The following WDFY4 variants were observed in gnomAD, a reference collection of about 807,000 sequenced individuals.
WDFY4 encodes the protein WDFY family member 4.
In WDFY4, 169 loss-of-function variants were observed where a neutral mutation model predicts 351.9. The observed-to-expected ratio is 0.48, with a 90% CI of 0.42 to 0.55. WDFY4 has a LOEUF of 0.55. WDFY4 is among the 20% of genes least tolerant of loss of function. The pLI is 0.00. For synonymous variants in WDFY4, 1,622 were observed against 1,574.6 expected, an observed-to-expected ratio of 1.03 and a Z score of -0.71; for missense variants, 3,803 against 3,935.6, an observed-to-expected ratio of 0.97 and a Z score of 0.90.
intron 2 of WDFY4, among the ~76,000 whole-genome samples, chr10:48,714,981 T>C (rs1292024561): frequency 4.6e-5 from 7 of 152,268 alleles, no homozygotes; most frequent in Non-Finnish European, 1.0e-4. Flanking sequence ...TTTCCAAGCA[T>C]AGGCCTCAAG....
Position 48,923,889 on chromosome 10 carries a change from G to A in WDFY4, c.7587-17917G>A, listed in dbSNP as rs189755210. On this transcript the variant is annotated intron_variant, in intron 47 of 61. Coordinates refer to ENST00000325239, the MANE Select transcript of WDFY4 (RefSeq NM_001394531.1). ...GCTTAGAGAGAATCCTGGACAGGAA[G>A]GGGTGCTTCCAGCAAATGGGACATC... 3.3e-5 allele frequency among the ~76,000 whole-genome samples: 5 copies of A among 152,316 alleles called. No homozygotes were observed. The East Asian group carries it at 9.7e-4, about 29-fold the overall frequency.
chr10:48,787,888 CT>C lies in WDFY4; in HGVS notation c.3809-640del, dbSNP rs1565198301. Among the ~76,000 whole-genome samples the C allele has an allele frequency of 3.0e-3, 219 of 73,504 alleles. 12 individuals are homozygous for C. Among genetic ancestry groups the C allele is most frequent in the African/African-American group, 0.02 (205 of 10,276 alleles). 48.2% of individuals were successfully genotyped at this position (73,504 alleles called of 152,430 possible). ...TCTTCTTTCTTCTTTCTTTCTTCTT[CT>C]TCTCCTTCTTCTTCTTCTTCTTCTT... On this transcript the variant is annotated intron_variant, in intron 20 of 61. Coordinates refer to ENST00000325239, the MANE Select transcript of WDFY4 (RefSeq NM_001394531.1).
At chr10:48,788,428 C>A in intron 20 of WDFY4, 102 bp from the exon 21 acceptor site, 1 of 1,353,448 alleles carries the variant, frequency 7.4e-7, no homozygotes, top group South Asian at 1.5e-5. Flanking sequence ...AACATCCTCT[C>A]AATGATTACT....
intron 12 of WDFY4, among the ~76,000 whole-genome samples, chr10:48,756,207 G>A (rs147032478): frequency 1.2e-3 from 177 of 152,092 alleles, no homozygotes; most frequent in African/African-American, 3.6e-3. Context: ...TTTCATCAAA[G>A]TCTGTCATAT....
At chr10:48,882,300 G>T (rs947831085) in intron 43 of WDFY4, among the ~76,000 whole-genome samples, 1 of 152,218 alleles carries the variant, frequency 6.6e-6, no homozygotes, top group African/African-American at 2.4e-5. Flanking sequence ...TTTGTGCCCA[G>T]GAGGGCAGCT....
rs577626974 is a variant in WDFY4 at position 48,685,930 on chromosome 10, G to T, written c.-18+929G>T. On this transcript the variant is annotated intron_variant, in intron 1 of 61. Coordinates refer to ENST00000325239, the MANE Select transcript of WDFY4 (RefSeq NM_001394531.1). ...TAGGGTGGGGGTCTTGGGAGGGTGG[G>T]GATGGCTCTAGTCTTCTGAGAGGGG... Among the ~76,000 whole-genome samples the T allele has an allele frequency of 3.3e-5, 5 of 152,124 alleles. No homozygotes were observed. The South Asian group carries it at 8.3e-4, about 25-fold the overall frequency.
chr10:48,833,008 A>G (rs540263582), intron 39 of WDFY4, among the ~76,000 whole-genome samples: 1 of 152,028 alleles, frequency 6.6e-6, no homozygotes, highest in African/African-American at 2.4e-5. Flanking sequence ...CATTGCCAGG[A>G]GACACAGGGT....
chr10:48,742,566 C>T (rs1320710275), intron 11 of WDFY4, among the ~76,000 whole-genome samples: 1 of 152,166 alleles, frequency 6.6e-6, no homozygotes, highest in South Asian at 2.1e-4. Context: ...GTTTCCATCT[C>T]GTGGAGCTTC....
At position 48,830,875 on chromosome 10, in the gene WDFY4, G is replaced by A. The variant is rs1316198131; in HGVS notation, c.6516G>A (p.Gln2172=). 1 of 1,551,440 alleles carries A rather than the reference G, an allele frequency of 6.4e-7. No homozygotes were observed. The highest frequency in any genetic ancestry group is 1.2e-5 in the South Asian group (1 of 84,036). ...AGGAGACGATGCTCAAGGCCTGGCA[G>A]CATTACTTAGGTCTCTATCCACTCG... is the stretch of plus-strand genomic sequence containing the variant. ...LWEETMLKAW[Q]HYLASEKKSL... The change falls in exon 38 of 62, where the codon CAG becomes CAA. Residue 2172 remains glutamine (Q), a synonymous_variant. Transcript: ENST00000325239.
At chr10:48,877,600 G>A (rs1272634425) in intron 43 of WDFY4, among the ~76,000 whole-genome samples, 1 of 152,204 alleles carries the variant, frequency 6.6e-6, no homozygotes, top group Non-Finnish European at 1.5e-5. Context: ...AGGGGTCTTG[G>A]GTGCATGTGT....
chr10:48,721,287 T>G lies in WDFY4; in HGVS notation c.376T>G (p.Leu126Val). ...GCAAGCTCGGTTGGCAGCTGGACAG[T>G]TGCTGTGGTGGAAGGGGGACGTGGA... Reference protein sequence around the residue: ...AEQARLAAGQLLWWKGDVDQD... With the variant: ...AEQARLAAGQVLWWKGDVDQD... The change falls in exon 4 of 62, where the codon TTG (leucine) becomes GTG (valine). Residue 126 changes from leucine to valine, a missense_variant. By Grantham distance (32) the Leu-to-Val change is conservative (BLOSUM62 1). Transcript: ENST00000325239. 6.4e-7 allele frequency: 1 copy of G among 1,551,598 alleles called. No homozygotes were observed. Among genetic ancestry groups the G allele is most frequent in the Non-Finnish European group, 8.7e-7 (1 of 1,146,962 alleles).
rs1209682874 is a variant in WDFY4 at position 48,743,313 on chromosome 10, T to C, written c.2224T>C (p.Phe742Leu). Residue 742 changes from phenylalanine to leucine, a missense_variant, in exon 12 of 62, where the codon TTT becomes CTT. Phe to Leu is a conservative substitution (Grantham distance 22, BLOSUM62 0). Transcript: ENST00000325239. ...RSWVDTKARP[F>L]ADLLGTAFSS... ...TTGGGTGGACACAAAGGCCAGGCCA[T>C]TTGCAGATTTGCTGGGCACTGCCTT... The C allele has an allele frequency of 1.9e-6, 3 of 1,551,564 alleles. No homozygotes were observed. Among genetic ancestry groups the C allele is most frequent in the East Asian group, 2.4e-5 (1 of 40,922 alleles).
chr10:48,979,264 T>C (rs1308495441), intron 60 of WDFY4, among the ~76,000 whole-genome samples: 1 of 152,180 alleles, frequency 6.6e-6, no homozygotes, highest in African/African-American at 2.4e-5. Flanking sequence ...AGTCAGCCTA[T>C]CTCAGTGTGA....
chr10:48,966,700 G>A (rs1396469735), intron 55 of WDFY4, 27 bp downstream of exon 55: 1 of 1,548,150 alleles, frequency 6.5e-7, no homozygotes, highest in South Asian at 1.2e-5. Flanking sequence ...GCATTGTTTG[G>A]TGTCCTGTCC....
In WDFY4 at chr10:48,900,275, T is replaced by A. The variant is rs1284494818; in HGVS notation, c.7492T>A (p.Tyr2498Asn). The change falls in exon 46 of 62, where the codon TAC (tyrosine) becomes AAC (asparagine). Residue 2498 changes from tyrosine (Y) to asparagine (N), a missense_variant. Physicochemically the swap from Tyr to Asn is moderately radical, Grantham distance 143. This residue lies in a region of WDFY4 where 3,054 missense variants were observed against 3,148.6 expected (regional missense o/e 0.97). Transcript: ENST00000325239. Reference protein sequence around the residue: ...HNGYSKFLVFYNNDRSKAFKS... With the variant: ...HNGYSKFLVFNNNDRSKAFKS... The stretch of plus-strand genomic sequence containing the variant: ...TGGATATTCCAAGTTTCTTGTCTTC[T>A]ACAACAATGATCGGAGTAAGGCCTT... The A allele has an allele frequency of 6.4e-7, 1 of 1,551,692 alleles. No individual in the cohort carries two copies. Among genetic ancestry groups the A allele is most frequent in the Admixed American group, 2.0e-5 (1 of 50,998 alleles).
intron 47 of WDFY4, among the ~76,000 whole-genome samples, chr10:48,937,671 A>G (rs1341443534): frequency 6.6e-6 from 1 of 152,240 alleles, no homozygotes; most frequent in Admixed American, 6.5e-5. Context: ...CTAGAACTGT[A>G]TGCAGATTTT....
At chr10:48,830,562 G>C in intron 37 of WDFY4, 138 bp from the exon 38 acceptor site, 1 of 947,886 alleles carries the variant, frequency 1.1e-6, no homozygotes, top group Non-Finnish European at 1.6e-6. Context: ...TCTCGCTGAA[G>C]CTTGCAAAGC....
At chr10:48,939,875 T>C (rs955036552) in intron 47 of WDFY4, among the ~76,000 whole-genome samples, 5 of 152,222 alleles carry the variant, frequency 3.3e-5, no homozygotes, top group African/African-American at 1.2e-4. Context: ...TTTTCTTCTG[T>C]ACACCATTCC....
At chr10:48,923,352 G>C (rs10745288) in intron 47 of WDFY4, among the ~76,000 whole-genome samples, 77,899 of 151,056 alleles carry the variant, frequency 0.52, 23,540 homozygotes, top group East Asian at 1. Flanking sequence ...ATTAAAAAGA[G>C]ATGAATTGAG....
Sources: allele counts gnomAD v4.1 joint callset (sites outside exome capture counted in the v4.1 genomes callset), GRCh38; gene constraint gnomAD v4.1.1; regional missense constraint gnomAD v4.1.1; transcripts MANE v1.5; gene names NCBI Gene and HGNC (gene_info 2026-07-23, HGNC 2026-07-21).